Variants in PCDH11X observed in about 807,000 individuals in gnomAD.
The protein encoded by PCDH11X is protocadherin 11 X-linked.
In PCDH11X, 18 loss-of-function variants were observed where a neutral mutation model predicts 53.3. The observed-to-expected ratio is 0.34, with a 90% CI of 0.23 to 0.50. The LOEUF (loss-of-function observed/expected upper bound fraction) is 0.50. Ranked by LOEUF, PCDH11X falls within the 20% of genes least tolerant of loss-of-function variation. PCDH11X has a pLI of 0.98. For missense variants in PCDH11X, 570 were observed against 1,032.4 expected (o/e 0.55, Z 6.14); for synonymous variants, 279 against 393.3 (o/e 0.71, Z 3.44).
chrX:92,563,281 G>A (rs1338306028), intron 10 of PCDH11X, among the ~76,000 whole-genome samples: 1 of 107,948 alleles, frequency 9.3e-6, no homozygotes, highest in Non-Finnish European at 1.9e-5. Flanking sequence ...GAGGAGAGAG[G>A]TGCAACACAC....
intron 8 of PCDH11X, among the ~76,000 whole-genome samples, chrX:92,276,223 C>T (rs145224851): frequency 0.11 from 11,878 of 106,617 alleles, 1,294 homozygotes; most frequent in East Asian, 0.51. Flanking sequence ...GGGTAGCCTC[C>T]GTATTGATTA....
At chrX:92,004,391 G>A (rs2062561361) in intron 6 of PCDH11X, among the ~76,000 whole-genome samples, 1 of 110,466 alleles carries the variant, frequency 9.1e-6, no homozygotes, top group Admixed American at 9.7e-5. Context: ...ATATCTATTA[G>A]GTCCATTTGG....
At chrX:92,530,557 G>A (rs187071311) in intron 10 of PCDH11X, among the ~76,000 whole-genome samples, 1 of 112,114 alleles carries the variant, frequency 8.9e-6, no homozygotes, top group East Asian at 2.8e-4. Flanking sequence ...TAGTACATAA[G>A]TTACAGTAAT....
chrX:92,091,019 A>G (rs1223442850), intron 6 of PCDH11X, among the ~76,000 whole-genome samples: 2 of 112,357 alleles, frequency 1.8e-5, no homozygotes, highest in Admixed American at 9.4e-5. Flanking sequence ...ACCTTGTGAC[A>G]TTCCACTAAA....
intron 8 of PCDH11X, among the ~76,000 whole-genome samples, chrX:92,373,834 AT>A (rs1412865360): frequency 8.9e-6 from 1 of 111,794 alleles, no homozygotes; most frequent in Non-Finnish European, 1.9e-5. Context: ...GAATTAACTG[AT>A]TTTTTAAACA....
intron 8 of PCDH11X, among the ~76,000 whole-genome samples, chrX:92,379,457 G>A (rs1192999571): frequency 8.8e-6 from 1 of 113,139 alleles, no homozygotes; most frequent in African/African-American, 3.2e-5. Flanking sequence ...AGGGCAGCTG[G>A]GCATGGGCCT....
chrX:91,968,130 C>T (rs377211956), intron 6 of PCDH11X, among the ~76,000 whole-genome samples: 1 of 111,763 alleles, frequency 8.9e-6, no homozygotes, highest in Non-Finnish European at 1.9e-5. Flanking sequence ...AGAATCAACT[C>T]TTCACTGTAA....
rs1451030992 is a variant in PCDH11X at position 92,493,437 on chromosome X, G to C, written c.3367+25115G>C. ...TTGTTATCAGTAAGTTATAGCATTG[G>C]AATTGTAATGTAATGAACAGGGCAG... On this transcript the variant is annotated intron_variant, in intron 10 of 10. Transcript: ENST00000682573. 2.8e-5 allele frequency among the ~76,000 whole-genome samples: 3 copies of C among 107,451 alleles called. No homozygotes were observed. The East Asian group carries it at 9.1e-4, about 33-fold the overall frequency. 93.3% of individuals were successfully genotyped at this position (107,451 alleles called of 115,157 possible). A position where few individuals can be genotyped will look rare whatever the true frequency, so the allele number is the denominator to read the frequency against.
chrX:92,076,981 TTC>T (rs1281136673), intron 6 of PCDH11X, among the ~76,000 whole-genome samples: 2 of 111,920 alleles, frequency 1.8e-5, no homozygotes, highest in Admixed American at 9.5e-5. Flanking sequence ...TGGAAATAAT[TTC>T]TGAGTTCCAA....
At chrX:92,572,593 C>T (rs1196843935) in intron 10 of PCDH11X, among the ~76,000 whole-genome samples, 2 of 108,462 alleles carry the variant, frequency 1.8e-5, no homozygotes, top group Non-Finnish European at 3.8e-5. Flanking sequence ...AGGGCTGGGC[C>T]CTGTGGCTGG....
At chrX:92,007,499 C>A (rs1479790301) in intron 6 of PCDH11X, among the ~76,000 whole-genome samples, 2 of 111,295 alleles carry the variant, frequency 1.8e-5, no homozygotes, top group Non-Finnish European at 3.8e-5. Flanking sequence ...ACTCACCCTT[C>A]AGGGCAATGG....
chrX:92,187,975 T>C (rs193076996), intron 6 of PCDH11X, among the ~76,000 whole-genome samples: 2 of 111,711 alleles, frequency 1.8e-5, no homozygotes, highest in East Asian at 5.7e-4. Flanking sequence ...TGAGAACTGA[T>C]TACATAAAGT....
chrX:92,201,796 G>A (rs1460087899), intron 7 of PCDH11X, among the ~76,000 whole-genome samples: 2 of 112,002 alleles, frequency 1.8e-5, no homozygotes, highest in African/African-American at 6.5e-5. Context: ...TTAAATTTAA[G>A]TTTTAGCATA....
intron 10 of PCDH11X, among the ~76,000 whole-genome samples, chrX:92,496,362 A>C (rs2073859537): frequency 9.7e-6 from 1 of 103,354 alleles, no homozygotes; most frequent in Non-Finnish European, 1.9e-5. Context: ...TTATATAATA[A>C]TTATGCAAGG....
intron 10 of PCDH11X, among the ~76,000 whole-genome samples, chrX:92,475,535 C>T: frequency 8.9e-6 from 1 of 111,973 alleles, no homozygotes; most frequent in Non-Finnish European, 1.9e-5. Context: ...CTGAAATGTG[C>T]TGCCAGATGT....
At chrX:91,977,363 C>T (rs1290378119) in intron 6 of PCDH11X, among the ~76,000 whole-genome samples, 1 of 111,997 alleles carries the variant, frequency 8.9e-6, no homozygotes, top group African/African-American at 3.2e-5. Flanking sequence ...AAACCAGCTT[C>T]TGACTAAGAC....
chrX:92,145,974 A>G (rs2065261782), intron 6 of PCDH11X, among the ~76,000 whole-genome samples: 1 of 102,846 alleles, frequency 9.7e-6, no homozygotes, highest in Non-Finnish European at 2.0e-5. Context: ...ATGCAAAAGC[A>G]TTAAATTGTT....
intron 6 of PCDH11X, among the ~76,000 whole-genome samples, chrX:92,148,678 T>A (rs776628812): frequency 9.1e-6 from 1 of 109,662 alleles, no homozygotes; most frequent in East Asian, 2.9e-4. Flanking sequence ...CACTTAACTT[T>A]TTTTTTCTTT....
rs763819075 is a variant in PCDH11X, at chrX:92,620,879, CTGA to C, written c.*1944_*1946del. ...CCAGGTGCATGTGAATCCCGAAGGACTGATGATATTTGAATGTTTATTAAATTA... is the reference window on the plus strand; with the variant it reads ...CCAGGTGCATGTGAATCCCGAAGGACTGATATTTGAATGTTTATTAAATTA... On this transcript the variant is annotated 3_prime_UTR_variant, in exon 11 of 11. Coordinates refer to ENST00000682573, the MANE Select transcript of PCDH11X (RefSeq NM_032968.5). 1 of 108,452 alleles carries C rather than the reference CTGA, an allele frequency of 9.2e-6. No homozygotes were observed. Among genetic ancestry groups the C allele is most frequent in the Non-Finnish European group, 1.9e-5 (1 of 52,494 alleles). 8.9% of individuals were successfully genotyped at this position (108,452 alleles called of 1,213,427 possible). A position where few individuals can be genotyped will look rare whatever the true frequency, so the allele number is the denominator to read the frequency against.
Sources: gnomAD v4.1 joint callset for allele counts (sites outside exome capture counted in the v4.1 genomes callset) on GRCh38, gnomAD v4.1.1 for gene constraint, MANE v1.5 for transcripts, NCBI Gene and HGNC (gene_info 2026-07-23, HGNC 2026-07-21) for gene names.